GPM6A: variants seen among roughly 807,000 people sequenced by gnomAD.
GPM6A encodes the protein neuronal membrane glycoprotein M6-a.
A neutral mutation model predicts 32.1 loss-of-function variants in GPM6A; 7 were observed. The ratio of observed to expected loss-of-function variants is 0.22; its 90% confidence interval spans 0.12 to 0.41. The LOEUF is 0.41. GPM6A is among the 10% of genes least tolerant of loss of function. GPM6A has a pLI of 1.00. For synonymous variants in GPM6A, 130 were observed against 123.4 expected, an observed-to-expected ratio of 1.05 and a Z score of -0.35; for missense variants, 235 against 347.2, an observed-to-expected ratio of 0.68 and a Z score of 2.57.
intron 3 of GPM6A, among the ~76,000 whole-genome samples, chr4:175,668,178 G>T (rs1022618090): frequency 6.6e-6 from 1 of 151,880 alleles, no homozygotes; most frequent in Non-Finnish European, 1.5e-5. Context: ...TACAATTTAT[G>T]TACTAGCATA....
At chr4:175,640,728 A>G in intron 5 of GPM6A, 25 bp downstream of exon 5, 1 of 1,445,260 alleles carries the variant, frequency 6.9e-7, no homozygotes, top group Non-Finnish European at 9.7e-7. Flanking sequence ...ATTCTGACAA[A>G]ATTAAAGGCT....
rs371860121 is a variant in GPM6A at position 175,691,477 on chromosome 4, C to T, written c.230+10098G>A. Reference sequence around the variant, plus strand: ...TGCAGATTATTCACTGTTTATACTACCAGTTTTTAATTTATTTTAATTAAT... The same window carrying T: ...TGCAGATTATTCACTGTTTATACTATCAGTTTTTAATTTATTTTAATTAAT... On this transcript the variant is annotated intron_variant, in intron 2 of 6. Coordinates refer to ENST00000393658, the MANE Select transcript of GPM6A (RefSeq NM_201591.3). 3.9e-5 allele frequency among the ~76,000 whole-genome samples: 6 copies of T among 152,176 alleles called. No individual in the cohort carries two copies. In the East Asian group the frequency reaches 1.2e-3, roughly 29 times the overall value.
intron 1 of GPM6A, among the ~76,000 whole-genome samples, chr4:175,992,809 C>A (rs939412673): frequency 1.3e-5 from 2 of 152,108 alleles, no homozygotes; most frequent in Admixed American, 6.6e-5. Flanking sequence ...TGCATTAACA[C>A]CAACTTCACG....
intron 1 of GPM6A, among the ~76,000 whole-genome samples, chr4:175,907,671 C>T (rs1738174058): frequency 6.6e-6 from 1 of 152,126 alleles, no homozygotes; most frequent in Admixed American, 6.6e-5. Flanking sequence ...ATCCTCTTAT[C>T]TGAAGGCACA....
intron 1 of GPM6A, among the ~76,000 whole-genome samples, chr4:175,941,266 T>C (rs1373213356): frequency 6.6e-6 from 1 of 152,200 alleles, no homozygotes; most frequent in Non-Finnish European, 1.5e-5. Context: ...GAAAAAATTG[T>C]TAAATGCATA....
At chr4:175,899,949 A>G (rs911418003) in intron 1 of GPM6A, among the ~76,000 whole-genome samples, 1 of 152,092 alleles carries the variant, frequency 6.6e-6, no homozygotes, top group Non-Finnish European at 1.5e-5. Context: ...AGAATGGGAG[A>G]AGATATTTGC....
chr4:175,931,804 G>A lies in GPM6A; in HGVS notation c.-23+70505C>T, dbSNP rs147343204. ...ATGGAATAAAAAGTACTAAAAATGG[G>A]CTGGACATGGTGGCTTATGCCTATA... On this transcript the variant is annotated intron_variant, in intron 1 of 7. Coordinates refer to the GPM6A transcript ENST00000280187. Among the ~76,000 whole-genome samples the A allele has an allele frequency of 3.3e-4, 50 of 151,844 alleles. No homozygotes were observed. The South Asian group carries it at 6.2e-3, about 19-fold the overall frequency.
intron 1 of GPM6A, among the ~76,000 whole-genome samples, chr4:175,749,714 C>A (rs546396094): frequency 6.6e-6 from 1 of 152,112 alleles, no homozygotes; most frequent in South Asian, 2.1e-4. Flanking sequence ...ATGTAAAAAG[C>A]GATGGATGTC....
intron 4 of GPM6A, among the ~76,000 whole-genome samples, chr4:175,644,867 G>A (rs1050913531): frequency 7.2e-5 from 11 of 152,112 alleles, no homozygotes; most frequent in African/African-American, 2.4e-4. Flanking sequence ...AGCACTTTAG[G>A]AGGATGAGGC....
At chr4:175,762,596 T>C (rs1256321298) in intron 1 of GPM6A, among the ~76,000 whole-genome samples, 1 of 152,152 alleles carries the variant, frequency 6.6e-6, no homozygotes, top group African/African-American at 2.4e-5. Context: ...TATTCACTTC[T>C]AGACAGATAA....
intron 1 of GPM6A, chr4:175,808,697 G>A (rs574063188): frequency 6.6e-6 from 1 of 152,344 alleles, no homozygotes; most frequent in East Asian, 1.9e-4. Flanking sequence ...TGTTGGAAAA[G>A]TCAGTGGTTG....
chr4:175,862,353 A>G (rs143761629), intron 1 of GPM6A, among the ~76,000 whole-genome samples: 33 of 151,938 alleles, frequency 2.2e-4, no homozygotes, highest in Non-Finnish European at 4.3e-4. Context: ...ATAGTAGTAG[A>G]CTCCCTGTTT....
intron 3 of GPM6A, among the ~76,000 whole-genome samples, chr4:175,653,775 T>C (rs1474986399): frequency 1.3e-5 from 2 of 152,100 alleles, no homozygotes; most frequent in Non-Finnish European, 2.9e-5. Context: ...AAGAATAAAA[T>C]AGCCCAGGTG....
chr4:175,799,981 ATC>A (rs1228219747), intron 1 of GPM6A, among the ~76,000 whole-genome samples: 6 of 116,328 alleles, frequency 5.2e-5, no homozygotes, highest in Admixed American at 3.4e-4. Context: ...TTTGAAGTTT[ATC>A]TCTTTTTTCA....
rs969773092 is a variant in GPM6A at position 175,634,376 on chromosome 4, G to A, written c.*529C>T. The A allele has an allele frequency of 1.3e-5, 2 of 152,456 alleles. No homozygotes were observed. Among genetic ancestry groups the A allele is most frequent in the Non-Finnish European group, 2.9e-5 (2 of 68,036 alleles). 9.4% of individuals were successfully genotyped at this position (152,456 alleles called of 1,614,324 possible). A position where few individuals can be genotyped will look rare whatever the true frequency, so the allele number is the denominator to read the frequency against. On this transcript the variant is annotated 3_prime_UTR_variant, in exon 7 of 7. Transcript: ENST00000393658. ...ATGAAAACATGAACCAGGGCCTACA[G>A]TAATATGGCCACTGATCTTCAGACA...
chr4:175,728,322 T>TA (rs1346480360), intron 1 of GPM6A, among the ~76,000 whole-genome samples: 1 of 152,100 alleles, frequency 6.6e-6, no homozygotes, highest in Non-Finnish European at 1.5e-5. Flanking sequence ...ATTTAAAAAT[T>TA]AAAAAAACTA....
intron 1 of GPM6A, among the ~76,000 whole-genome samples, chr4:175,845,476 C>T (rs1736059579): frequency 6.6e-6 from 1 of 152,068 alleles, no homozygotes; most frequent in South Asian, 2.1e-4. Context: ...CTCATTCTTC[C>T]TAAATGTTCA....
At chr4:175,814,074 T>G (rs1005356742), upstream of GPM6A, among the ~76,000 whole-genome samples, 2 of 152,218 alleles carry the variant, frequency 1.3e-5, no homozygotes, top group African/African-American at 4.8e-5. Context: ...TGGCATATAA[T>G]CAACACAGAA....
chr4:175,672,228 C>T (rs1264622412), intron 3 of GPM6A, among the ~76,000 whole-genome samples: 1 of 152,202 alleles, frequency 6.6e-6, no homozygotes, highest in Non-Finnish European at 1.5e-5. Flanking sequence ...ACGGTAAAGA[C>T]GTGCTTTCAG....
Sources: gnomAD v4.1 joint callset for allele counts (sites outside exome capture counted in the v4.1 genomes callset) on GRCh38, gnomAD v4.1.1 for gene constraint, MANE v1.5 for transcripts, NCBI Gene and HGNC (gene_info 2026-07-23, HGNC 2026-07-21) for gene names.